CACNA1E: variants seen among roughly 807,000 people sequenced by gnomAD.
The protein encoded by CACNA1E is calcium voltage-gated channel subunit alpha1 E.
A neutral mutation model predicts 259.2 loss-of-function variants in CACNA1E; 40 were observed. The ratio of observed to expected loss-of-function variants is 0.15; its 90% CI spans 0.12 to 0.20. The LOEUF is 0.20. CACNA1E is among the 10% of genes least tolerant of loss of function. CACNA1E has a pLI of 1.00. For missense variants in CACNA1E, 1,874 were observed against 3,040.1 expected, an observed-to-expected ratio of 0.62 and a Z score of 9.02; for synonymous variants, 1,104 against 1,138.5, an observed-to-expected ratio of 0.97 and a Z score of 0.61.
chr1:181,655,078 A>G (rs1304406729), intron 7 of CACNA1E, among the ~76,000 whole-genome samples: 1 of 152,050 alleles, frequency 6.6e-6, no homozygotes, highest in African/African-American at 2.4e-5. Flanking sequence ...ATTTACATAA[A>G]ACTACATGCA....
chr1:181,596,557 CGTGTGTGTGT>C (rs60302499), intron 6 of CACNA1E, among the ~76,000 whole-genome samples: 152 of 140,576 alleles, frequency 1.1e-3, no homozygotes, highest in South Asian at 2.2e-3. Context: ...CCACCATGTA[CGTGTGTGTGT>C]GTGTGTGTGT....
intron 1 of CACNA1E, among the ~76,000 whole-genome samples, chr1:181,409,680 G>A (rs1175510003): frequency 6.6e-6 from 1 of 152,124 alleles, no homozygotes; most frequent in African/African-American, 2.4e-5. Flanking sequence ...TGAGATCTCG[G>A]CTTGGTGCTA....
In CACNA1E at chr1:181,798,193, C is replaced by A; in HGVS notation, c.6400-99C>A. 2.0e-6 allele frequency: 2 copies of A among 1,004,072 alleles called. No homozygotes were observed. The highest frequency in any genetic ancestry group is 3.0e-6 in the Non-Finnish European group (2 of 676,676). 62.2% of individuals were successfully genotyped at this position (1,004,072 alleles called of 1,614,324 possible). On this transcript the variant is annotated intron_variant, in intron 47 of 47. Transcript: ENST00000367573. This position sits in a 1 kb window ranked among gnomAD's most constrained non-coding sequence, Gnocchi z 4.2. ...ACAGGGAGCTCCAGCTCAGGCCTCTCCCTGACAGAATTCAGATTCCAAGGA... is the reference window on the plus strand; with the variant it reads ...ACAGGGAGCTCCAGCTCAGGCCTCTACCTGACAGAATTCAGATTCCAAGGA...
chr1:181,424,957 TAGA>T (rs1014890518), intron 2 of CACNA1E, among the ~76,000 whole-genome samples: 2 of 152,186 alleles, frequency 1.3e-5, no homozygotes, highest in African/African-American at 4.8e-5. Context: ...GCCATATCTG[TAGA>T]AGGAGGCTCT....
At chr1:181,710,009 A>G (rs1430513343) in intron 7 of CACNA1E, among the ~76,000 whole-genome samples, 2 of 152,028 alleles carry the variant, frequency 1.3e-5, no homozygotes, top group Non-Finnish European at 2.9e-5. Flanking sequence ...AATAAATTTG[A>G]TCCTCCTCTT....
chr1:181,476,258 A>G (rs558551266), intron 2 of CACNA1E, among the ~76,000 whole-genome samples: 43 of 152,328 alleles, frequency 2.8e-4, no homozygotes, highest in African/African-American at 9.4e-4. Context: ...TTAAGTCCAT[A>G]TCATATGGGA....
intron 1 of CACNA1E, among the ~76,000 whole-genome samples, chr1:181,355,330 G>A (rs1357728082): frequency 6.6e-6 from 1 of 152,214 alleles, no homozygotes; most frequent in Non-Finnish European, 1.5e-5. Context: ...GCTCATGTCT[G>A]TAATCTCAGC....
chr1:181,370,668 T>C (rs1029038203), intron 1 of CACNA1E, among the ~76,000 whole-genome samples: 1 of 152,200 alleles, frequency 6.6e-6, no homozygotes, highest in Non-Finnish European at 1.5e-5. Flanking sequence ...ATTTTCTTTA[T>C]CTAGTCCGTC....
At position 181,485,614 on chromosome 1, in the gene CACNA1E, G is replaced by C. The variant is rs1270485093; in HGVS notation, c.266+1604G>C. ...CTAGCTAGGGTGGAGGTTTCGGGCG[G>C]GGGAGGGGTCGGGTCCCTGCAGTCA... is the stretch of plus-strand genomic sequence containing the variant. On this transcript the variant is annotated intron_variant, in intron 1 of 47. Transcript: ENST00000367573. The surrounding 1 kb of genome is among the most constrained non-coding windows in gnomAD (Gnocchi z 4.2). Among the ~76,000 whole-genome samples, 6 of 152,184 alleles carry C rather than the reference G, an allele frequency of 3.9e-5. No individual in the cohort carries two copies. The highest frequency in any genetic ancestry group is 1.4e-4 in the African/African-American group (6 of 41,420).
At chr1:181,583,515 T>G (rs1187916182) in intron 6 of CACNA1E, among the ~76,000 whole-genome samples, 1 of 152,198 alleles carries the variant, frequency 6.6e-6, no homozygotes, top group East Asian at 1.9e-4. Context: ...GTTTACCCAG[T>G]AGGAAGAAGC....
At chr1:181,739,595 T>A (rs1409199686) in intron 25 of CACNA1E, among the ~76,000 whole-genome samples, 4 of 152,186 alleles carry the variant, frequency 2.6e-5, no homozygotes, top group Non-Finnish European at 4.4e-5. Context: ...GAACAGCTTA[T>A]GGGCCCTTTC....
chr1:181,730,989 A>T (rs1558316915), intron 18 of CACNA1E, among the ~76,000 whole-genome samples, 186 bp from the exon 19 acceptor site: 1 of 152,204 alleles, frequency 6.6e-6, no homozygotes, highest in Non-Finnish European at 1.5e-5. Flanking sequence ...TGCACATAGC[A>T]AGGAATCGAA....
intron 46 of CACNA1E, among the ~76,000 whole-genome samples, chr1:181,795,767 A>AATATATATATATATATATAT (rs72040839): frequency 0.016 from 1,838 of 112,920 alleles, 96 homozygotes; most frequent in Middle Eastern, 0.022. Flanking sequence ...TTTTGCTTTA[A>AATATATATATATATATATAT]ATATATATAT....
At chr1:181,442,269 GA>G (rs1660537948) in intron 2 of CACNA1E, among the ~76,000 whole-genome samples, 6 of 151,612 alleles carry the variant, frequency 4.0e-5, no homozygotes, top group Admixed American at 1.3e-4. Flanking sequence ...AGGTATGAGG[GA>G]CACAGGTATG....
Position 181,774,609 on chromosome 1 carries a change from C to G in CACNA1E, c.5140-1492C>G, listed in dbSNP as rs979441036. 5.9e-5 allele frequency among the ~76,000 whole-genome samples: 9 copies of G among 152,328 alleles called. No homozygotes were observed. The Middle Eastern group carries it at 0.01, about 173-fold the overall frequency. ...TCCCTCATCCTCATGGAAGAGAAGA[C>G]ACCTAGACCTCCAGCCATCCATCTC... On this transcript the variant is annotated intron_variant, in intron 37 of 47. Transcript: ENST00000367573.
chr1:181,520,809 A>G lies in CACNA1E; in HGVS notation c.512+9299A>G, dbSNP rs139443546. On this transcript the variant is annotated intron_variant, in intron 3 of 47. Transcript: ENST00000367573. ...TTTATTTTAAATTTTTCTAACAAGG[A>G]AAATGTTACATTTTCTAGATTTCCA... is the stretch of plus-strand genomic sequence containing the variant. Among the ~76,000 whole-genome samples the G allele has an allele frequency of 8.4e-3, 1,274 of 152,302 alleles. 7 individuals carry two copies. Among genetic ancestry groups the G allele is most frequent in the Non-Finnish European group, 0.013 (876 of 68,022 alleles).
At chr1:181,401,930 A>C (rs1553243984) in intron 1 of CACNA1E, among the ~76,000 whole-genome samples, 1 of 152,176 alleles carries the variant, frequency 6.6e-6, no homozygotes, top group Non-Finnish European at 1.5e-5. Flanking sequence ...TATGTCAGCG[A>C]TTTTCATCTC....
intron 7 of CACNA1E, among the ~76,000 whole-genome samples, chr1:181,686,927 G>A (rs1402314001): frequency 1.3e-5 from 2 of 152,290 alleles, no homozygotes; most frequent in Admixed American, 6.5e-5. Context: ...TCAAAGACAG[G>A]CAGAGATCCT....
At chr1:181,753,377 A>G (rs1274545598) in intron 27 of CACNA1E, among the ~76,000 whole-genome samples, 1 of 152,202 alleles carries the variant, frequency 6.6e-6, no homozygotes, top group Admixed American at 6.5e-5. Context: ...CTCTTAGAAT[A>G]TAGTGTAGTT....
Sources: allele counts gnomAD v4.1 joint callset (sites outside exome capture counted in the v4.1 genomes callset), GRCh38; gene constraint gnomAD v4.1.1; non-coding constraint Gnocchi (gnomAD v3.1); transcripts MANE v1.5; gene names NCBI Gene and HGNC (gene_info 2026-07-23, HGNC 2026-07-21).